Variants in NIBAN2 observed in about 807,000 individuals in gnomAD.
NIBAN2 encodes niban apoptosis regulator 2.
Under a neutral mutation model 81.8 loss-of-function variants are expected in NIBAN2, and 36 were observed. The ratio of observed to expected loss-of-function variants is 0.44; its 90% CI spans 0.34 to 0.58. The LOEUF (loss-of-function observed/expected upper bound fraction) is 0.58, where lower values mean the gene tolerates loss of function less well. Ranked by LOEUF, NIBAN2 falls within the 20% of genes least tolerant of loss-of-function variation. NIBAN2 has a pLI of 0.02. For synonymous variants in NIBAN2, 445 were observed against 441.6 expected, an observed-to-expected ratio of 1.01 and a Z score of -0.10; for missense variants, 897 against 1,014.1, an observed-to-expected ratio of 0.88 and a Z score of 1.57.
intron 1 of NIBAN2, among the ~76,000 whole-genome samples, chr9:127,564,648 G>A (rs1052449738): frequency 2.0e-5 from 3 of 152,140 alleles, no homozygotes; most frequent in Non-Finnish European, 4.4e-5. Flanking sequence ...CGAGGTGGGT[G>A]GATCACCTGA....
chr9:127,550,057 C>T (rs1837548075), intron 1 of NIBAN2, among the ~76,000 whole-genome samples: 1 of 152,184 alleles, frequency 6.6e-6, no homozygotes, highest in African/African-American at 2.4e-5. Flanking sequence ...TGGGGACCGC[C>T]TCAGTGTCTC....
intron 1 of NIBAN2, among the ~76,000 whole-genome samples, chr9:127,555,378 T>C (rs991432724): frequency 4.6e-5 from 7 of 152,188 alleles, no homozygotes; most frequent in African/African-American, 1.7e-4. Flanking sequence ...GTGGTTTCTG[T>C]CTAGGGACAC....
upstream of NIBAN2, among the ~76,000 whole-genome samples, chr9:127,572,725 A>G (rs1353294106): frequency 1.3e-5 from 2 of 152,066 alleles, no homozygotes; most frequent in Non-Finnish European, 2.9e-5. Context: ...TTAGAGTTGA[A>G]TAAATTGTTG....
chr9:127,569,197 C>T, upstream of NIBAN2: 6 of 502,900 alleles, frequency 1.2e-5, no homozygotes, highest in Non-Finnish European at 1.5e-5. Context: ...TCCCACCCCG[C>T]CCCGCCCCGC....
At chr9:127,514,561 C>T (rs543277079) in intron 8 of NIBAN2, among the ~76,000 whole-genome samples, 4 of 152,310 alleles carry the variant, frequency 2.6e-5, no homozygotes, top group Admixed American at 6.5e-5. Context: ...CTTGCTTCTT[C>T]GTTTGAACAA....
At chr9:127,561,060 A>G in intron 1 of NIBAN2, 3 of 924,046 alleles carry the variant, frequency 3.2e-6, no homozygotes, top group Non-Finnish European at 3.9e-6. Flanking sequence ...GCAAGGAGGG[A>G]GCATGTTCCC....
chr9:127,517,865 C>A lies in NIBAN2; in HGVS notation c.666G>T (p.Leu222=), dbSNP rs768020795. 1 of 1,613,854 alleles carries A rather than the reference C, an allele frequency of 6.2e-7. No individual in the cohort carries two copies. Among genetic ancestry groups the A allele is most frequent in the African/African-American group, 1.3e-5 (1 of 74,918 alleles). ...AIRMYRQSKE[L]YGTWEMLCGN... is the part of the protein sequence containing the mutation. ...CACACAGCATCTCCCAGGTGCCGTA[C>A]AGCTCCTTGGACTGTCGGTACATGC... The change falls in exon 6 of 14, where the codon CTG becomes CTT. Residue 222 remains leucine (L), a synonymous_variant. Transcript: ENST00000373312. This position sits in a 1 kb window ranked among gnomAD's most constrained non-coding sequence, Gnocchi z 4.0.
rs965570430 is a variant in NIBAN2 at position 127,563,132 on chromosome 9, T to C, written c.55+5688A>G. Among the ~76,000 whole-genome samples the C allele has an allele frequency of 5.3e-5, 8 of 151,928 alleles. No individual in the cohort carries two copies. Among genetic ancestry groups the C allele is most frequent in the African/African-American group, 1.9e-4 (8 of 41,352 alleles). ...AGAAAGGTCCCTTTGGCAGCGTGTG[T>C]GGGAAGGACTAGAGGCTCCGAGGAG... On this transcript the variant is annotated intron_variant, in intron 1 of 13. Transcript: ENST00000373312. The surrounding 1 kb of genome is among the most constrained non-coding windows in gnomAD (Gnocchi z 4.1).
intron 3 of NIBAN2, among the ~76,000 whole-genome samples, chr9:127,525,822 G>A (rs1049715143): frequency 2.0e-5 from 3 of 152,204 alleles, no homozygotes; most frequent in Non-Finnish European, 4.4e-5. Context: ...TCTATCTCCA[G>A]AGCCTGGGGT....
At chr9:127,522,655 A>C (rs1588159963) in intron 5 of NIBAN2, among the ~76,000 whole-genome samples, 1 of 151,286 alleles carries the variant, frequency 6.6e-6, no homozygotes, top group Non-Finnish European at 1.5e-5. Context: ...GCCTACCCCT[A>C]CCACCTGTGG....
upstream of NIBAN2, among the ~76,000 whole-genome samples, chr9:127,569,967 T>C (rs1837928246): frequency 6.6e-6 from 1 of 152,118 alleles, no homozygotes; most frequent in Non-Finnish European, 1.5e-5. Context: ...GCCAGGGGAA[T>C]GTGTTTCAGT....
At chr9:127,522,489 A>G (rs1055067250) in intron 5 of NIBAN2, among the ~76,000 whole-genome samples, 1 of 151,912 alleles carries the variant, frequency 6.6e-6, no homozygotes. Context: ...ACCCCCAGGG[A>G]CCCACCCTCA....
chr9:127,513,875 C>G (rs111708405), intron 8 of NIBAN2, among the ~76,000 whole-genome samples: 3 of 152,198 alleles, frequency 2.0e-5, no homozygotes, highest in African/African-American at 7.2e-5. Flanking sequence ...GGGTCTGGAT[C>G]GGGACCCCTT....
intron 1 of NIBAN2, among the ~76,000 whole-genome samples, chr9:127,538,626 CAAAGAAA>C (rs1837322082): frequency 1.3e-5 from 1 of 77,262 alleles, no homozygotes; most frequent in African/African-American, 4.5e-5. Flanking sequence ...GACTCCATCT[CAAAGAAA>C]AAAAAAAAAA....
chr9:127,521,177 G>A (rs536213126), intron 5 of NIBAN2, among the ~76,000 whole-genome samples: 1 of 152,330 alleles, frequency 6.6e-6, no homozygotes, highest in East Asian at 1.9e-4. Context: ...ACACACATCA[G>A]CTCGTTGAAT....
intron 2 of NIBAN2, among the ~76,000 whole-genome samples, chr9:127,528,985 C>T (rs1053247898): frequency 4.6e-5 from 7 of 152,244 alleles, no homozygotes; most frequent in East Asian, 1.9e-4. Context: ...CCACCCAGTC[C>T]GCCCCCAGAT....
At chr9:127,524,352 G>A (rs1027665048) in intron 4 of NIBAN2, among the ~76,000 whole-genome samples, 1 of 152,178 alleles carries the variant, frequency 6.6e-6, no homozygotes, top group South Asian at 2.1e-4. Flanking sequence ...CTGGTCCTGG[G>A]CTGTGACCCT....
intron 1 of NIBAN2, chr9:127,561,188 C>T (rs1171536684): frequency 2.0e-6 from 2 of 985,450 alleles, no homozygotes; most frequent in African/African-American, 3.5e-5. Context: ...CCTCCAGGAA[C>T]TCGCTGAATA....
intron 1 of NIBAN2, among the ~76,000 whole-genome samples, chr9:127,538,547 A>C (rs1420856282): frequency 6.6e-6 from 1 of 151,718 alleles, no homozygotes; most frequent in Non-Finnish European, 1.5e-5. Context: ...GAATCACTTC[A>C]ATCTGAGAGG....
Sources: allele counts gnomAD v4.1 joint callset (sites outside exome capture counted in the v4.1 genomes callset), GRCh38; gene constraint gnomAD v4.1.1; non-coding constraint Gnocchi (gnomAD v3.1); transcripts MANE v1.5; gene names NCBI Gene and HGNC (gene_info 2026-07-23, HGNC 2026-07-21).